Variants in FLYWCH1 observed in about 807,000 individuals in gnomAD.
FLYWCH1 encodes FLYWCH-type zinc finger 1.
FLYWCH1 carries 75 observed loss-of-function variants against 66.4 expected under a neutral mutation model. The observed-to-expected ratio is 1.13, with a 90% confidence interval of 0.94 to 1.37. FLYWCH1 has a LOEUF of 1.37. FLYWCH1 is among the 40% of genes most tolerant of loss of function. The pLI is 0.00. For missense variants in FLYWCH1, 1,334 were observed against 1,001.8 expected (o/e 1.33, Z -4.48); for synonymous variants, 595 against 429.9 (o/e 1.38, Z -4.75).
Position 2,938,192 on chromosome 16 carries a change from C to A in FLYWCH1, c.1786C>A (p.Arg596=), listed in dbSNP as rs200255837. ...GTCACTTTCCCTTTCAGATCCTCTC[C>A]GGCCCCTGGAGTTCCTGAGGACTTC... ...LAQWDSPDPL[R]PLEFLRTSLG... Residue 596 remains arginine, a synonymous_variant, in exon 8 of 10, where the codon CGG becomes AGG. Transcript: ENST00000253928. 2 of 1,612,226 alleles carry A rather than the reference C, an allele frequency of 1.2e-6. No individual in the cohort carries two copies. The highest frequency in any genetic ancestry group is 1.7e-6 in the Non-Finnish European group (2 of 1,179,440).
chr16:2,923,921 C>A (rs906512527), intron 2 of FLYWCH1, among the ~76,000 whole-genome samples: 1 of 152,058 alleles, frequency 6.6e-6, no homozygotes, highest in Non-Finnish European at 1.5e-5. Flanking sequence ...CACCTGTAAT[C>A]GCAGCTACTT....
intron 6 of FLYWCH1, chr16:2,934,690 A>C (rs1169000533): frequency 1.1e-5 from 5 of 456,322 alleles, no homozygotes; most frequent in Admixed American, 2.4e-5. Flanking sequence ...ATGGCCCTAA[A>C]GTTCTCTCGG....
rs1211658126 is a variant in FLYWCH1 at position 2,948,670 on chromosome 16, G to A, written c.2112-18G>A. On this transcript the variant is annotated intron_variant, in intron 9 of 9. Transcript: ENST00000253928. ...ATGTTTTGATGTGTGCAATGAACAT[G>A]TGTCTCTTTGTAATTAGGGACATCA... The A allele has an allele frequency of 8.7e-6, 14 of 1,612,884 alleles. No individual in the cohort carries two copies. The highest frequency in any genetic ancestry group is 1.3e-5 in the African/African-American group (1 of 74,910).
chr16:2,918,958 T>C (rs752530871), intron 2 of FLYWCH1, among the ~76,000 whole-genome samples: 1 of 152,136 alleles, frequency 6.6e-6, no homozygotes, highest in Non-Finnish European at 1.5e-5. Context: ...TCTTTTTTTT[T>C]CTTTTTTGAG....
At chr16:2,936,760 G>A in intron 6 of FLYWCH1, 1 of 495,436 alleles carries the variant, frequency 2.0e-6, no homozygotes, top group East Asian at 5.8e-5. Flanking sequence ...TGTCCCCAGA[G>A]GGCCCCGGGT....
In FLYWCH1 at chr16:2,938,298, G is replaced by A. The variant is rs1295368869; in HGVS notation, c.1892G>A (p.Cys631Tyr). The change falls in exon 8 of 10, where the codon TGC becomes TAC. Residue 631 changes from cysteine (C) to tyrosine (Y), a missense_variant. Physicochemically the swap from Cys to Tyr is radical, Grantham distance 194. Transcript: ENST00000253928. ...GCTGGGGAGAAGGTGTACTGGATGT[G>A]CCGGGACCAGGCTCGGCTGGGCTGC... ...KAAGEKVYWMCRDQARLGCRS... is the reference protein window; with the variant it reads ...KAAGEKVYWMYRDQARLGCRS... 1 of 1,611,662 alleles carries A rather than the reference G, an allele frequency of 6.2e-7. No homozygotes were observed. The highest frequency in any genetic ancestry group is 1.1e-5 in the South Asian group (1 of 90,946).
chr16:2,930,079 A>C lies in FLYWCH1; in HGVS notation c.325+69A>C, dbSNP rs1438009788. 19 of 1,341,734 alleles carry C rather than the reference A, an allele frequency of 1.4e-5. No individual in the cohort carries two copies. The East Asian group carries it at 4.6e-4, about 32-fold the overall frequency. 83.1% of individuals were successfully genotyped at this position (1,341,734 alleles called of 1,614,324 possible). Reference sequence around the variant, plus strand: ...CCAGCGCTCCCAGCAGGCCCTGTACACCCTGCTTCAAGCATAGTGTCTTGT... The same window carrying C: ...CCAGCGCTCCCAGCAGGCCCTGTACCCCCTGCTTCAAGCATAGTGTCTTGT... On this transcript the variant is annotated intron_variant, in intron 3 of 9. Coordinates refer to ENST00000253928, the MANE Select transcript of FLYWCH1 (RefSeq NM_001308068.2).
At chr16:2,936,452 G>GC (rs1288533540) in intron 6 of FLYWCH1, 9 of 312,646 alleles carry the variant, frequency 2.9e-5, no homozygotes, top group Admixed American at 6.7e-5. Flanking sequence ...ACACCCTCCC[G>GC]CCCCCCGCTG....
Position 2,949,058 on chromosome 16 carries a change from G to C in FLYWCH1, c.*331G>C, listed in dbSNP as rs1032332737. On this transcript the variant is annotated 3_prime_UTR_variant, in exon 10 of 10. Transcript: ENST00000253928. The stretch of plus-strand genomic sequence containing the variant: ...CGGCCACAGCACCCCTGGGTTTGCA[G>C]AGCACGCAGCCTTCCTAGGGCTTTC... 5 of 391,518 alleles carry C rather than the reference G, an allele frequency of 1.3e-5. No homozygotes were observed. The highest frequency in any genetic ancestry group is 1.9e-5 in the Non-Finnish European group (4 of 207,762). The allele number at this position is 391,518 out of a possible 1,614,324, so 24.3% of individuals were successfully genotyped here.
chr16:2,923,021 G>T (rs185576835), intron 2 of FLYWCH1: 119 of 458,170 alleles, frequency 2.6e-4, no homozygotes, highest in African/African-American at 2.1e-3. Context: ...TTTTTGGGGG[G>T]GCTGTTGTGT....
Position 2,949,169 on chromosome 16 carries a change from C to A in FLYWCH1, c.*442C>A, listed in dbSNP as rs556044020. 15 of 189,158 alleles carry A rather than the reference C, an allele frequency of 7.9e-5. No homozygotes were observed. In the South Asian group the frequency reaches 1.5e-3, roughly 19 times the overall value. 11.7% of individuals were successfully genotyped at this position (189,158 alleles called of 1,614,324 possible). On this transcript the variant is annotated 3_prime_UTR_variant, in exon 10 of 10. Transcript: ENST00000253928. ...CTGGGCACGTTTGGGGAAGTTCCTG[C>A]TTCAAACTGAGCTGCCCCGCATAGG...
intron 2 of FLYWCH1, among the ~76,000 whole-genome samples, chr16:2,919,433 T>C (rs1465751330): frequency 6.6e-6 from 1 of 151,872 alleles, no homozygotes; most frequent in Non-Finnish European, 1.5e-5. Flanking sequence ...ACCCAGCTAA[T>C]TTTTGTATTT....
intron 2 of FLYWCH1, among the ~76,000 whole-genome samples, chr16:2,918,167 T>C (rs2070238917): frequency 1.1e-5 from 1 of 93,816 alleles, no homozygotes; most frequent in Non-Finnish European, 2.3e-5. Flanking sequence ...TTTTTTTTTT[T>C]GAGACAGTGT....
chr16:2,923,369 C>G (rs1298205690), intron 2 of FLYWCH1, among the ~76,000 whole-genome samples: 4 of 152,226 alleles, frequency 2.6e-5, no homozygotes, highest in African/African-American at 9.6e-5. Flanking sequence ...GCCTCAGCCT[C>G]TCGAGTAGTT....
chr16:2,930,936 C>G (rs2070742374), intron 4 of FLYWCH1, 56 bp downstream of exon 4: 2 of 1,338,630 alleles, frequency 1.5e-6, no homozygotes, highest in East Asian at 2.5e-5. Flanking sequence ...CCCGAGGGCC[C>G]TTCCTCAGCC....
chr16:2,924,630 CCCTACGCT>C lies in FLYWCH1; in HGVS notation c.-73-4979_-73-4972del, dbSNP rs1291792051. On this transcript the variant is annotated intron_variant, in intron 2 of 9. Coordinates refer to ENST00000253928, the MANE Select transcript of FLYWCH1 (RefSeq NM_001308068.2). ...GGCCCGTGAGGCGTGGGAATGTGTACCCTACGCTCCTGCCACGCTGTGGGTCACGCAAC... is the reference window on the plus strand; with the variant it reads ...GGCCCGTGAGGCGTGGGAATGTGTACCCTGCCACGCTGTGGGTCACGCAAC... Among the ~76,000 whole-genome samples, 7 of 152,152 alleles carry C rather than the reference CCCTACGCT, an allele frequency of 4.6e-5. No homozygotes were observed. In the South Asian group the frequency reaches 1.4e-3, roughly 31 times the overall value.
chr16:2,938,753 C>CA (rs1416696406), intron 8 of FLYWCH1, among the ~76,000 whole-genome samples: 1 of 149,340 alleles, frequency 6.7e-6, no homozygotes, highest in Non-Finnish European at 1.5e-5. Context: ...GCTGGGACTA[C>CA]AGGTGCCTGC....
chr16:2,940,011 T>C, intron 8 of FLYWCH1, 21 bp from the exon 9 acceptor site: 1 of 1,588,242 alleles, frequency 6.3e-7, no homozygotes, highest in Non-Finnish European at 8.6e-7. Context: ...TTAATTCATA[T>C]TTTCAATTAT....
intron 2 of FLYWCH1, among the ~76,000 whole-genome samples, chr16:2,921,271 T>G (rs1415520496): frequency 1.3e-5 from 2 of 152,176 alleles, no homozygotes; most frequent in Admixed American, 1.3e-4. Context: ...CCATCAATTT[T>G]AGGACTTTTT....
Sources: allele counts gnomAD v4.1 joint callset (sites outside exome capture counted in the v4.1 genomes callset), GRCh38; gene constraint gnomAD v4.1.1; transcripts MANE v1.5; gene names NCBI Gene and HGNC (gene_info 2026-07-23, HGNC 2026-07-21).